The following DNAH17 variants were observed in gnomAD, a reference collection of about 807,000 sequenced individuals.
DNAH17 encodes dynein axonemal heavy chain 17, also known as axonemal beta dynein heavy chain 17.
DNAH17 carries 376 observed loss-of-function variants against 485.6 expected under a neutral mutation model. The observed-to-expected ratio is 0.77, with a 90% CI of 0.71 to 0.84. The LOEUF is 0.84. Ranked by LOEUF, DNAH17 falls within the 40% of genes least tolerant of loss-of-function variation. The pLI, the probability that DNAH17 is intolerant of heterozygous loss-of-function variation, is 0.00. For synonymous variants in DNAH17, 3,031 were observed against 2,405.9 expected, an observed-to-expected ratio of 1.26 and a Z score of -7.60; for missense variants, 6,370 against 5,839.3, an observed-to-expected ratio of 1.09 and a Z score of -2.96.
At chr17:78,576,654 G>C (rs921697486) in intron 1 of DNAH17, among the ~76,000 whole-genome samples, 7 of 152,278 alleles carry the variant, frequency 4.6e-5, no homozygotes, top group African/African-American at 4.8e-5. Flanking sequence ...GTCCTGGAAG[G>C]TTCCTGATTG....
intron 25 of DNAH17, among the ~76,000 whole-genome samples, chr17:78,524,678 G>A (rs770699128): frequency 5.3e-4 from 80 of 151,922 alleles, no homozygotes; most frequent in Non-Finnish European, 1.1e-3. Flanking sequence ...CAGACTAAGT[G>A]GTATTCCTTA....
In DNAH17 at chr17:78,475,162, T is replaced by C. The variant is rs144229888; in HGVS notation, c.8511+116A>G. ...ATAAAGACCCTTTGGATAAGGACTA[T>C]TGGTGATGCTCGGATTCCCTGTACT... On this transcript the variant is annotated intron_variant, in intron 54 of 80. Coordinates refer to ENST00000389840, the MANE Select transcript of DNAH17 (RefSeq NM_173628.4). 53 of 1,188,410 alleles carry C rather than the reference T, an allele frequency of 4.5e-5. No individual in the cohort carries two copies. The African/African-American group carries it at 7.8e-4, about 17-fold the overall frequency. 73.6% of individuals were successfully genotyped at this position (1,188,410 alleles called of 1,614,324 possible).
intron 16 of DNAH17, among the ~76,000 whole-genome samples, chr17:78,551,133 C>CAG (rs1233588822): frequency 6.6e-6 from 1 of 152,244 alleles, no homozygotes; most frequent in East Asian, 1.9e-4. Flanking sequence ...GCATCAGTGA[C>CAG]AGACCAGACC....
At chr17:78,573,229 T>C (rs1311577129) in intron 2 of DNAH17, among the ~76,000 whole-genome samples, 1 of 152,168 alleles carries the variant, frequency 6.6e-6, no homozygotes. Context: ...TCAAACTGTG[T>C]CCCCCAAATC....
intron 26 of DNAH17, among the ~76,000 whole-genome samples, chr17:78,513,106 C>T (rs1211105652): frequency 6.6e-6 from 1 of 151,974 alleles, no homozygotes; most frequent in Admixed American, 6.6e-5. Flanking sequence ...AATGAACCCC[C>T]CCTCTGCTAG....
chr17:78,486,055 T>C lies in DNAH17; in HGVS notation c.7180A>G (p.Ile2394Val). Reference sequence around the variant, plus strand: ...TCAGGATCAATGTAGTAGTCAAAAATCGTTCCCTGCGAGGGGAACTTGATA... The same window carrying C: ...TCAGGATCAATGTAGTAGTCAAAAACCGTTCCCTGCGAGGGGAACTTGATA... ...KTIKFPSQGT[I>V]FDYYIDPDTK... The change falls in exon 46 of 81, where the codon ATT becomes GTT. Residue 2394 changes from isoleucine to valine, a missense_variant. Ile to Val is a conservative substitution (Grantham distance 29). Transcript: ENST00000389840. 1 of 1,613,964 alleles carries C rather than the reference T, an allele frequency of 6.2e-7. No homozygotes were observed. The highest frequency in any genetic ancestry group is 1.6e-4 in the Middle Eastern group (1 of 6,062).
chr17:78,510,310 C>T (rs1038935097), intron 27 of DNAH17, 74 bp downstream of exon 27: 15 of 1,583,924 alleles, frequency 9.5e-6, no homozygotes, highest in South Asian at 5.6e-5. Flanking sequence ...CCCCTCTGGG[C>T]GCTCTCAGTG....
At chr17:78,521,164 G>C (rs558280749) in intron 25 of DNAH17, among the ~76,000 whole-genome samples, 1 of 152,360 alleles carries the variant, frequency 6.6e-6, no homozygotes, top group African/African-American at 2.4e-5. Context: ...CCAGTACTTT[G>C]GGAGGCTGAG....
intron 54 of DNAH17, among the ~76,000 whole-genome samples, chr17:78,469,821 CG>C (rs1230076048): frequency 1.3e-5 from 2 of 152,052 alleles, no homozygotes; most frequent in Non-Finnish European, 2.9e-5. Flanking sequence ...AAGCCAGACA[CG>C]AAAGGACAAA....
intron 75 of DNAH17, among the ~76,000 whole-genome samples, chr17:78,432,749 AAGG>A (rs1447320785): frequency 1.3e-5 from 2 of 152,116 alleles, no homozygotes; most frequent in African/African-American, 2.4e-5. Context: ...AGATGGAAAA[AAGG>A]AGGGGGTTCC....
At chr17:78,461,479 G>C (rs1288784005) in intron 58 of DNAH17, 65 bp downstream of exon 58, 25 of 1,420,922 alleles carry the variant, frequency 1.8e-5, no homozygotes, top group Non-Finnish European at 2.3e-5. Context: ...ACCACACGTG[G>C]AAGCCCAGGA....
intron 72 of DNAH17, among the ~76,000 whole-genome samples, chr17:78,440,496 G>A (rs1369983780): frequency 2.6e-5 from 4 of 152,128 alleles, no homozygotes; most frequent in South Asian, 2.1e-4. Context: ...CTGTGATCAA[G>A]CGATCCGCCC....
chr17:78,478,127 C>A (rs541230968), intron 51 of DNAH17, among the ~76,000 whole-genome samples: 1 of 150,270 alleles, frequency 6.7e-6, no homozygotes, highest in African/African-American at 2.5e-5. Flanking sequence ...ATCACCACCA[C>A]GTGGCATCAT....
At chr17:78,506,576 G>T in intron 30 of DNAH17, 144 bp downstream of exon 30, 2 of 1,230,702 alleles carry the variant, frequency 1.6e-6, no homozygotes, top group Non-Finnish European at 1.1e-6. Flanking sequence ...CCCCAGGGCA[G>T]CTTCTGGTGC....
chr17:78,532,086 C>T (rs185431492), intron 20 of DNAH17, among the ~76,000 whole-genome samples: 1 of 152,342 alleles, frequency 6.6e-6, no homozygotes. Context: ...CCTCAGCCCT[C>T]ATCTCCCTGA....
intron 54 of DNAH17, among the ~76,000 whole-genome samples, chr17:78,472,212 TG>T (rs2088784464): frequency 8.3e-6 from 1 of 120,782 alleles, no homozygotes; most frequent in African/African-American, 3.4e-5. Flanking sequence ...GATTTGGGAG[TG>T]GGGGTGTGTG....
intron 62 of DNAH17, among the ~76,000 whole-genome samples, chr17:78,458,269 C>T (rs577049008): frequency 5.3e-5 from 8 of 152,352 alleles, no homozygotes; most frequent in Admixed American, 2.6e-4. Flanking sequence ...CTGGAAGCCA[C>T]GTGGTGGCTG....
At chr17:78,537,555 C>T in intron 18 of DNAH17, 74 bp from the exon 19 acceptor site, 6 of 1,478,358 alleles carry the variant, frequency 4.1e-6, no homozygotes, top group Non-Finnish European at 5.6e-6. Context: ...CCCTGATCAT[C>T]CACTCCGTAC....
chr17:78,492,913 G>A, intron 41 of DNAH17, 148 bp from the exon 42 acceptor site: 7 of 863,040 alleles, frequency 8.1e-6, no homozygotes, highest in Non-Finnish European at 1.2e-5. Context: ...GTGCAGTGGT[G>A]TGATCTCAGC....
Sources: gnomAD v4.1 joint callset for allele counts (sites outside exome capture counted in the v4.1 genomes callset) on GRCh38, gnomAD v4.1.1 for gene constraint, MANE v1.5 for transcripts, NCBI Gene and HGNC (gene_info 2026-07-23, HGNC 2026-07-21) for gene names.